Variants in PTPRD observed in about 807,000 individuals in gnomAD.
PTPRD encodes protein tyrosine phosphatase receptor type D, also known as receptor-type tyrosine-protein phosphatase delta.
PTPRD carries 34 observed loss-of-function variants against 214.5 expected under a neutral mutation model. That is an observed-to-expected ratio of 0.16 (90% confidence interval 0.12 to 0.21). PTPRD has a LOEUF of 0.21. Among genes scored for constraint, PTPRD ranks in the 10% least tolerant of loss-of-function variants. The probability of loss-of-function intolerance (pLI) is 1.00; values close to 1 mark genes in which losing one functional copy is unlikely to be tolerated. For synonymous variants in PTPRD, 1,128 were observed against 845.7 expected, an observed-to-expected ratio of 1.33 and a Z score of -5.79; for missense variants, 2,545 against 2,398.7, an observed-to-expected ratio of 1.06 and a Z score of -1.27.
Position 9,649,475 on chromosome 9 carries a change from A to G in PTPRD, c.-286-74694T>C, listed in dbSNP as rs531227093. On this transcript the variant is annotated intron_variant, in intron 7 of 45. Coordinates refer to ENST00000381196, the MANE Select transcript of PTPRD (RefSeq NM_002839.4). ...AAAGAAACACTGGGAAATTAACTGC[A>G]TGATCTTAAAATGAGAAAGAGTCTT... Among the ~76,000 whole-genome samples the G allele has an allele frequency of 3.9e-5, 6 of 152,238 alleles. No homozygotes were observed. The South Asian group carries it at 1.2e-3, about 31-fold the overall frequency.
intron 2 of PTPRD, among the ~76,000 whole-genome samples, chr9:10,573,669 C>T (rs900133581): frequency 6.6e-6 from 1 of 152,072 alleles, no homozygotes; most frequent in Admixed American, 6.6e-5. Flanking sequence ...GGGGCTACAG[C>T]GCACCTGGAC....
intron 4 of PTPRD, among the ~76,000 whole-genome samples, chr9:10,004,023 C>A (rs564745591): frequency 2.2e-4 from 34 of 151,756 alleles, no homozygotes; most frequent in African/African-American, 8.2e-4. Flanking sequence ...TTTTATTTAA[C>A]CCTGGTACAC....
chr9:9,994,027 T>C (rs1402005155), intron 4 of PTPRD, among the ~76,000 whole-genome samples: 1 of 152,118 alleles, frequency 6.6e-6, no homozygotes, highest in East Asian at 1.9e-4. Flanking sequence ...ATTTTTTGAG[T>C]GGGGGACAAT....
At chr9:8,401,168 CTTT>C (rs35280480) in intron 36 of PTPRD, among the ~76,000 whole-genome samples, 1 of 144,552 alleles carries the variant, frequency 6.9e-6, no homozygotes. Flanking sequence ...TTTACCTTTT[CTTT>C]TTTTTTTTTT....
At chr9:8,348,045 T>TA (rs904111468) in intron 39 of PTPRD, among the ~76,000 whole-genome samples, 4 of 151,796 alleles carry the variant, frequency 2.6e-5, no homozygotes, top group Non-Finnish European at 5.9e-5. Flanking sequence ...AAAGATATCC[T>TA]AAAAAAAAGT....
At chr9:8,609,600 A>G (rs1053307288) in intron 14 of PTPRD, among the ~76,000 whole-genome samples, 1 of 152,224 alleles carries the variant, frequency 6.6e-6, no homozygotes, top group Non-Finnish European at 1.5e-5. Context: ...AACAGGAGCA[A>G]TTTAGCACCA....
intron 7 of PTPRD, among the ~76,000 whole-genome samples, chr9:9,589,878 A>C (rs1233380856): frequency 6.6e-6 from 1 of 151,922 alleles, no homozygotes; most frequent in Non-Finnish European, 1.5e-5. Flanking sequence ...GCACACGTAC[A>C]CGGGGCTTGT....
intron 11 of PTPRD, among the ~76,000 whole-genome samples, chr9:8,910,093 C>A (rs1409599004): frequency 6.6e-6 from 1 of 151,952 alleles, no homozygotes; most frequent in Non-Finnish European, 1.5e-5. Context: ...GGCTGGAGTG[C>A]AGTGGCTCAA....
intron 3 of PTPRD, among the ~76,000 whole-genome samples, chr9:10,034,316 C>T (rs2097136744): frequency 6.6e-6 from 1 of 151,714 alleles, no homozygotes; most frequent in African/African-American, 2.4e-5. Context: ...ATTATTTAAC[C>T]TCTATTCCTT....
intron 11 of PTPRD, among the ~76,000 whole-genome samples, chr9:8,854,316 T>C (rs2097873573): frequency 6.6e-6 from 1 of 152,186 alleles, no homozygotes; most frequent in South Asian, 2.1e-4. Context: ...AGAAGGGTTG[T>C]TTTAAAATAA....
chr9:8,660,362 G>C (rs2097015654), intron 12 of PTPRD, among the ~76,000 whole-genome samples: 1 of 152,110 alleles, frequency 6.6e-6, no homozygotes, highest in Non-Finnish European at 1.5e-5. Flanking sequence ...GATTCTGTGT[G>C]GCTCCGTTCG....
chr9:8,368,302 C>T (rs2080514674), intron 39 of PTPRD, among the ~76,000 whole-genome samples: 3 of 152,156 alleles, frequency 2.0e-5, no homozygotes, highest in Admixed American at 6.6e-5. Flanking sequence ...TAATAATGCA[C>T]ATCTGCCACT....
At chr9:9,903,732 G>A (rs986573580) in intron 5 of PTPRD, among the ~76,000 whole-genome samples, 14 of 152,146 alleles carry the variant, frequency 9.2e-5, no homozygotes, top group Admixed American at 2.6e-4. Flanking sequence ...TAGGATCAGG[G>A]ATGCCAGGAA....
chr9:9,250,604 C>A (rs1236657627), intron 9 of PTPRD, among the ~76,000 whole-genome samples: 2 of 152,072 alleles, frequency 1.3e-5, no homozygotes, highest in Non-Finnish European at 2.9e-5. Context: ...TAAAGCCATT[C>A]TCATATGCAC....
intron 11 of PTPRD, among the ~76,000 whole-genome samples, chr9:9,012,423 T>G (rs753005095): frequency 7.2e-5 from 11 of 152,170 alleles, no homozygotes; most frequent in Non-Finnish European, 1.0e-4. Flanking sequence ...AAACATTGAC[T>G]GAGTGAGGAC....
intron 10 of PTPRD, among the ~76,000 whole-genome samples, chr9:9,140,516 G>A (rs879737339): frequency 1.3e-5 from 2 of 152,194 alleles, no homozygotes; most frequent in African/African-American, 4.8e-5. Context: ...GATGACAACC[G>A]GGACTCTGGA....
chr9:10,332,857 G>C (rs992269531), intron 3 of PTPRD, among the ~76,000 whole-genome samples: 5 of 151,746 alleles, frequency 3.3e-5, no homozygotes, highest in African/African-American at 1.2e-4. Context: ...CTAAGCACCT[G>C]ATTAAAAGAT....
At chr9:10,108,454 C>T (rs2098657138) in intron 3 of PTPRD, among the ~76,000 whole-genome samples, 2 of 151,278 alleles carry the variant, frequency 1.3e-5, no homozygotes, top group South Asian at 4.2e-4. Flanking sequence ...TTTTTTTTTA[C>T]CATCTCTCTA....
At chr9:8,557,910 C>G (rs2084622566) in intron 14 of PTPRD, among the ~76,000 whole-genome samples, 1 of 151,154 alleles carries the variant, frequency 6.6e-6, no homozygotes, top group Admixed American at 6.6e-5. Context: ...AAGTAAAGAT[C>G]ATTTTCTACT....
Sources: gnomAD v4.1 joint callset for allele counts (sites outside exome capture counted in the v4.1 genomes callset) on GRCh38, gnomAD v4.1.1 for gene constraint, MANE v1.5 for transcripts, NCBI Gene and HGNC (gene_info 2026-07-23, HGNC 2026-07-21) for gene names.